Variants in CYP26C1 observed in about 807,000 individuals in gnomAD.
The protein encoded by CYP26C1 is cytochrome P450 family 26 subfamily C member 1.
CYP26C1 carries 41 observed loss-of-function variants against 39.1 expected under a neutral mutation model. That is an observed-to-expected ratio of 1.05 (90% CI 0.82 to 1.36). The LOEUF is 1.36. CYP26C1 is among the 40% of genes most tolerant of loss of function. The pLI is 0.00. For missense variants in CYP26C1, 833 were observed against 752.0 expected (o/e 1.11, Z -1.26); for synonymous variants, 362 against 350.8 (o/e 1.03, Z -0.36).
In CYP26C1 at chr10:93,068,848, C is replaced by T. The variant is rs528895451; in HGVS notation, c.*151C>T. The stretch of plus-strand genomic sequence containing the variant: ...ATGTTCGCCAAACGCGGATGTGTGC[C>T]GGACTCGAGGAAGGAGGAGGGCGAG... On this transcript the variant is annotated 3_prime_UTR_variant, in exon 6 of 6. Coordinates refer to ENST00000651965, the MANE Select transcript of CYP26C1 (RefSeq NM_183374.3). 1.2e-5 allele frequency: 16 copies of T among 1,320,718 alleles called. No homozygotes were observed. The highest frequency in any genetic ancestry group is 1.6e-5 in the Non-Finnish European group (16 of 1,013,634). 81.8% of individuals were successfully genotyped at this position (1,320,718 alleles called of 1,614,324 possible). A position where few individuals can be genotyped will look rare whatever the true frequency, so the allele number is the denominator to read the frequency against.
At chr10:93,061,683 A>G (rs1482658171) in intron 1 of CYP26C1, among the ~76,000 whole-genome samples, 1 of 152,092 alleles carries the variant, frequency 6.6e-6, no homozygotes, top group Non-Finnish European at 1.5e-5. Flanking sequence ...CAACTCCCAG[A>G]CACAACGCAG....
chr10:93,062,123 G>A lies in CYP26C1; in HGVS notation c.318G>A (p.Leu106=), dbSNP rs1335357882. ...GCGCGGAGAACGTGCGCACCATCCT[G>A]CTGGGCGAGCACCGCCTGGTGCGCA... ...VSGAENVRTI[L]LGEHRLVRSQ... The change falls in exon 2 of 6, where the codon CTG becomes CTA. Residue 106 remains leucine, a synonymous_variant. Coordinates refer to ENST00000651965, the MANE Select transcript of CYP26C1 (RefSeq NM_183374.3). The A allele has an allele frequency of 1.9e-6, 3 of 1,551,908 alleles. No individual in the cohort carries two copies. The highest frequency in any genetic ancestry group is 3.9e-5 in the Admixed American group (2 of 51,428).
rs1427360648 is a variant in CYP26C1 at position 93,061,109 on chromosome 10, G to C, written c.-155G>C. On this transcript the variant is annotated 5_prime_UTR_variant, in exon 1 of 6. Transcript: ENST00000651965. ...TCACCGTCCGTCTGTTTTTAGAACA[G>C]AGTTCTGGCCTGAGCTTATAAATCT... is the stretch of plus-strand genomic sequence containing the variant. 1.3e-6 allele frequency: 1 copy of C among 748,070 alleles called. No homozygotes were observed. Among genetic ancestry groups the C allele is most frequent in the African/African-American group, 1.8e-5 (1 of 55,430 alleles). 46.3% of individuals were successfully genotyped at this position (748,070 alleles called of 1,614,324 possible).
At chr10:93,064,135 T>C (rs1309886325) in intron 3 of CYP26C1, 1 of 1,255,312 alleles carries the variant, frequency 8.0e-7, no homozygotes, top group Non-Finnish European at 1.0e-6. Flanking sequence ...CTCCTCAGGA[T>C]GACAGTAACT....
At chr10:93,065,465 A>C (rs2134413807) in intron 4 of CYP26C1, among the ~76,000 whole-genome samples, 2 of 152,328 alleles carry the variant, frequency 1.3e-5, no homozygotes, top group South Asian at 4.1e-4. Flanking sequence ...GTTGCACTGC[A>C]GCCATTGTCA....
intron 5 of CYP26C1, among the ~76,000 whole-genome samples, chr10:93,066,999 C>G (rs1016111776): frequency 2.0e-5 from 3 of 152,270 alleles, no homozygotes; most frequent in Admixed American, 1.3e-4. Context: ...GGCAGTGGTG[C>G]TCTGGCTGTG....
chr10:93,068,572 T>C lies in CYP26C1; in HGVS notation c.1444T>C (p.Trp482Arg), dbSNP rs1323908520. 5 of 1,594,278 alleles carry C rather than the reference T, an allele frequency of 3.1e-6. No homozygotes were observed. Among genetic ancestry groups the C allele is most frequent in the Non-Finnish European group, 4.3e-6 (5 of 1,170,948 alleles). The stretch of plus-strand genomic sequence containing the variant: ...TGTGGAGCTAGTGCGCACCGCGCGC[T>C]GGGAACTGGCCACACCCGCCTTCCC... ...LAVELVRTAR[W>R]ELATPAFPAM... Residue 482 changes from tryptophan to arginine, a missense_variant, in exon 6 of 6, where the codon TGG becomes CGG. By Grantham distance (101) the Trp-to-Arg change is moderately radical. Coordinates refer to ENST00000651965, the MANE Select transcript of CYP26C1 (RefSeq NM_183374.3).
intron 5 of CYP26C1, among the ~76,000 whole-genome samples, chr10:93,067,808 C>T (rs1374875193): frequency 2.0e-5 from 3 of 152,158 alleles, no homozygotes; most frequent in African/African-American, 4.8e-5. Context: ...TGAACATTAT[C>T]GTCCAGCTGA....
At chr10:93,063,124 C>CG in intron 3 of CYP26C1, 129 bp downstream of exon 3, 1 of 1,424,812 alleles carries the variant, frequency 7.0e-7, no homozygotes, top group Non-Finnish European at 9.1e-7. Flanking sequence ...CGGCAGGGCC[C>CG]GGGGGTGGGA....
intron 3 of CYP26C1, chr10:93,063,919 G>A (rs982969024): frequency 1.8e-5 from 18 of 987,048 alleles, no homozygotes; most frequent in Non-Finnish European, 1.7e-5. Flanking sequence ...TATTGCCCAC[G>A]CTCTTACAGA....
At chr10:93,061,918 GA>G in intron 1 of CYP26C1, 91 bp from the exon 2 acceptor site, 2 of 1,306,102 alleles carry the variant, frequency 1.5e-6, no homozygotes, top group Non-Finnish European at 2.1e-6. Flanking sequence ...CCAGGGACAG[GA>G]AGTTGTGATC....
chr10:93,063,216 C>G, intron 3 of CYP26C1: 1 of 1,265,680 alleles, frequency 7.9e-7, no homozygotes. Flanking sequence ...GCTGGCCACA[C>G]GACCTCCGTG....
intron 4 of CYP26C1, 71 bp downstream of exon 4, chr10:93,064,607 C>T (rs1846799789): frequency 6.5e-7 from 1 of 1,540,164 alleles, no homozygotes; most frequent in Non-Finnish European, 8.8e-7. Flanking sequence ...AATGCTGCAT[C>T]CCCAGAGCCA....
At chr10:93,064,843 G>A in intron 4 of CYP26C1, 1 of 1,063,300 alleles carries the variant, frequency 9.4e-7, no homozygotes, top group South Asian at 4.1e-5. Flanking sequence ...GCCCTTCTCT[G>A]CCACTCCATG....
chr10:93,067,299 T>A (rs959871719), intron 5 of CYP26C1, among the ~76,000 whole-genome samples: 5 of 152,192 alleles, frequency 3.3e-5, no homozygotes, highest in African/African-American at 7.2e-5. Context: ...ACCAACACAT[T>A]CTGAGAGCTG....
chr10:93,062,285 G>A, intron 2 of CYP26C1, 51 bp downstream of exon 2: 1 of 1,477,820 alleles, frequency 6.8e-7, no homozygotes, highest in Non-Finnish European at 9.0e-7. Flanking sequence ...GCGGTCCCCG[G>A]CATCTGCCAT....
At chr10:93,065,863 T>G in intron 4 of CYP26C1, 93 bp from the exon 5 acceptor site, 2 of 1,235,464 alleles carry the variant, frequency 1.6e-6, no homozygotes, top group Non-Finnish European at 2.1e-6. Flanking sequence ...CAATAGTAAA[T>G]TTGGGTGCTT....
chr10:93,062,745 C>T lies in CYP26C1; in HGVS notation c.455C>T (p.Ala152Val). The T allele has an allele frequency of 6.9e-7, 1 of 1,446,082 alleles. No individual in the cohort carries two copies. The highest frequency in any genetic ancestry group is 2.8e-5 in the Admixed American group (1 of 35,760). 89.6% of individuals were successfully genotyped at this position (1,446,082 alleles called of 1,614,324 possible). ...RKVLARVFSR[A>V]ALERYVPRLQ... is the part of the protein sequence containing the mutation. ...GTCCTGGCGCGCGTGTTCAGCCGCG[C>T]CGCGCTGGAGCGCTACGTGCCGCGC... The change falls in exon 3 of 6, where the codon GCC (alanine) becomes GTC (valine). Residue 152 changes from alanine to valine, a missense_variant. Physicochemically the swap from Ala to Val is moderately conservative, Grantham distance 64. Coordinates refer to ENST00000651965, the MANE Select transcript of CYP26C1 (RefSeq NM_183374.3).
At position 93,061,209 on chromosome 10, in the gene CYP26C1, C is replaced by G; in HGVS notation, c.-55C>G. On this transcript the variant is annotated 5_prime_UTR_variant, in exon 1 of 6. Transcript: ENST00000651965. ...ACTGCGCACTGCTCGCGCCCCGGTTCTTGCGTCCCCTGCTCTCCCTGCGCT... is the reference window on the plus strand; with the variant it reads ...ACTGCGCACTGCTCGCGCCCCGGTTGTTGCGTCCCCTGCTCTCCCTGCGCT... 6.5e-7 allele frequency: 1 copy of G among 1,531,970 alleles called. No individual in the cohort carries two copies. The allele number at this position is 1,531,970 out of a possible 1,614,324, so 94.9% of individuals were successfully genotyped here. A position where few individuals can be genotyped will look rare whatever the true frequency, so the allele number is the denominator to read the frequency against.
Sources: allele counts gnomAD v4.1 joint callset (sites outside exome capture counted in the v4.1 genomes callset), GRCh38; gene constraint gnomAD v4.1.1; transcripts MANE v1.5; gene names NCBI Gene and HGNC (gene_info 2026-07-23, HGNC 2026-07-21).